The following KCTD8 variants were observed in gnomAD, a reference collection of about 807,000 sequenced individuals.
KCTD8 encodes BTB/POZ domain-containing protein KCTD8.
In KCTD8, 27 loss-of-function variants were observed where a neutral mutation model predicts 31.5. The observed-to-expected ratio is 0.86, with a 90% CI of 0.63 to 1.18. KCTD8 has a LOEUF of 1.18. Ranked by LOEUF, KCTD8 falls within the 50% of genes most tolerant of loss-of-function variation. KCTD8 has a pLI of 0.00. For synonymous variants in KCTD8, 290 were observed against 280.0 expected (o/e 1.04, Z -0.36); for missense variants, 658 against 647.7 (o/e 1.02, Z -0.17).
chr4:44,446,106 A>C, intron 1 of KCTD8, among the ~76,000 whole-genome samples: 1 of 152,178 alleles, frequency 6.6e-6, no homozygotes, highest in East Asian at 1.9e-4. Flanking sequence ...GCATTACTTT[A>C]AAAAGTAGTC....
intron 1 of KCTD8, among the ~76,000 whole-genome samples, chr4:44,386,177 TACA>T (rs1273477089): frequency 6.6e-6 from 1 of 151,506 alleles, no homozygotes; most frequent in African/African-American, 2.4e-5. Context: ...CAACATATGA[TACA>T]ACAATTCCAC....
At chr4:44,386,754 C>A (rs780289643) in intron 1 of KCTD8, among the ~76,000 whole-genome samples, 1 of 151,510 alleles carries the variant, frequency 6.6e-6, no homozygotes, top group African/African-American at 2.4e-5. Flanking sequence ...TAAGTACATA[C>A]CCCAAAAAAG....
intron 1 of KCTD8, among the ~76,000 whole-genome samples, chr4:44,225,345 C>A (rs551245496): frequency 3.3e-5 from 5 of 152,298 alleles, no homozygotes; most frequent in Non-Finnish European, 1.5e-5. Context: ...GCAGCAGGAG[C>A]AAACTTAAGC....
At chr4:44,349,778 T>C (rs1393576054) in intron 1 of KCTD8, among the ~76,000 whole-genome samples, 2 of 152,284 alleles carry the variant, frequency 1.3e-5, no homozygotes, top group East Asian at 3.9e-4. Context: ...TCAAGGCCTA[T>C]ATTAAATCCT....
At chr4:44,243,408 T>A (rs1211987179) in intron 1 of KCTD8, among the ~76,000 whole-genome samples, 3 of 152,200 alleles carry the variant, frequency 2.0e-5, no homozygotes, top group Non-Finnish European at 4.4e-5. Flanking sequence ...ATACAAACCA[T>A]GTGTTTAAAG....
Position 44,422,548 on chromosome 4 carries a change from C to T in KCTD8, c.961+25015G>A, listed in dbSNP as rs117218658. On this transcript the variant is annotated intron_variant, in intron 1 of 1. Coordinates refer to ENST00000360029, the MANE Select transcript of KCTD8 (RefSeq NM_198353.3). ...AATAATTTTATTAATATACGCAAATCGCAAAAAATATAAATTAAAACAGAA... is the reference window on the plus strand; with the variant it reads ...AATAATTTTATTAATATACGCAAATTGCAAAAAATATAAATTAAAACAGAA... Among the ~76,000 whole-genome samples the T allele has an allele frequency of 8.9e-4, 136 of 151,974 alleles. 2 individuals carry two copies. In the East Asian group the frequency reaches 0.022, roughly 24 times the overall value.
chr4:44,276,795 T>C (rs562517910), intron 1 of KCTD8, among the ~76,000 whole-genome samples: 1 of 152,134 alleles, frequency 6.6e-6, no homozygotes, highest in African/African-American at 2.4e-5. Context: ...ATATTTGTTC[T>C]AAAATTAAAG....
intron 1 of KCTD8, among the ~76,000 whole-genome samples, chr4:44,320,763 G>C (rs1407000031): frequency 6.6e-6 from 1 of 150,614 alleles, no homozygotes; most frequent in Non-Finnish European, 1.5e-5. Context: ...CTGTGCGATA[G>C]TGACTGGAAG....
chr4:44,430,740 C>A (rs1262706152), intron 1 of KCTD8, among the ~76,000 whole-genome samples: 2 of 151,452 alleles, frequency 1.3e-5, no homozygotes, highest in African/African-American at 4.8e-5. Context: ...TATAATAAAC[C>A]AGACTCACTA....
intron 1 of KCTD8, among the ~76,000 whole-genome samples, chr4:44,444,812 A>G (rs957996204): frequency 4.2e-5 from 6 of 143,004 alleles, no homozygotes; most frequent in Non-Finnish European, 9.4e-5. Flanking sequence ...GGGGGGAATA[A>G]CATTGATGCT....
intron 1 of KCTD8, among the ~76,000 whole-genome samples, chr4:44,189,294 T>A (rs78837110): frequency 0.012 from 1,845 of 152,300 alleles, 45 homozygotes; most frequent in African/African-American, 0.042. Context: ...TCACTAAATC[T>A]ATTTCTACCT....
intron 1 of KCTD8, among the ~76,000 whole-genome samples, chr4:44,403,423 C>G (rs1174724813): frequency 2.4e-5 from 1 of 41,336 alleles, no homozygotes; most frequent in East Asian, 1.3e-3. Context: ...ACTAGGGCTA[C>G]CATTAAAAAA....
chr4:44,355,785 C>T (rs1719325847), intron 1 of KCTD8, among the ~76,000 whole-genome samples: 1 of 152,078 alleles, frequency 6.6e-6, no homozygotes, highest in Non-Finnish European at 1.5e-5. Flanking sequence ...AAAATTAGCA[C>T]AGTTCTTCAT....
At chr4:44,387,003 T>C (rs1157740072) in intron 1 of KCTD8, among the ~76,000 whole-genome samples, 2 of 151,906 alleles carry the variant, frequency 1.3e-5, no homozygotes, top group Admixed American at 1.3e-4. Flanking sequence ...CAAAAGCTTT[T>C]TAAGCTGATA....
intron 1 of KCTD8, among the ~76,000 whole-genome samples, chr4:44,419,357 G>A (rs1401968807): frequency 1.3e-5 from 2 of 152,086 alleles, no homozygotes; most frequent in African/African-American, 2.4e-5. Flanking sequence ...AAGGGCCAGG[G>A]GCCAGTTATA....
chr4:44,297,288 C>T (rs1717462538), intron 1 of KCTD8, among the ~76,000 whole-genome samples: 1 of 151,988 alleles, frequency 6.6e-6, no homozygotes, highest in South Asian at 2.1e-4. Context: ...AATAAAACAT[C>T]ATCTAAAATT....
At chr4:44,424,262 G>C (rs1721292709) in intron 1 of KCTD8, among the ~76,000 whole-genome samples, 1 of 152,058 alleles carries the variant, frequency 6.6e-6, no homozygotes, top group African/African-American at 2.4e-5. Context: ...ACTTCCTCTG[G>C]TCATTCAGCA....
chr4:44,255,894 T>C (rs1715977911), intron 1 of KCTD8, among the ~76,000 whole-genome samples: 1 of 151,926 alleles, frequency 6.6e-6, no homozygotes, highest in African/African-American at 2.4e-5. Context: ...AAATTACAAA[T>C]TAATATTTGA....
intron 1 of KCTD8, among the ~76,000 whole-genome samples, chr4:44,432,230 A>G (rs1267248658): frequency 6.6e-6 from 1 of 151,528 alleles, no homozygotes; most frequent in African/African-American, 2.4e-5. Context: ...TTTGTAAAAA[A>G]AATTATTTAT....
Sources: allele counts gnomAD v4.1 joint callset (sites outside exome capture counted in the v4.1 genomes callset), GRCh38; gene constraint gnomAD v4.1.1; transcripts MANE v1.5; gene names NCBI Gene and HGNC (gene_info 2026-07-23, HGNC 2026-07-21).